Variants in MYOM1 observed in about 807,000 individuals in gnomAD.
MYOM1 encodes myomesin-1.
In MYOM1, 164 loss-of-function variants were observed where a neutral mutation model predicts 205.3. The ratio of observed to expected loss-of-function variants is 0.80; its 90% CI spans 0.70 to 0.91. The LOEUF (loss-of-function observed/expected upper bound fraction) is 0.91, where lower values mean the gene tolerates loss of function less well. MYOM1 is among the 40% of genes least tolerant of loss of function. MYOM1 has a pLI of 0.00. For missense variants in MYOM1, 2,011 were observed against 2,127.3 expected (o/e 0.95, Z 1.08); for synonymous variants, 772 against 789.4 (o/e 0.98, Z 0.37).
At chr18:3,105,692 T>A (rs1273266500) in intron 22 of MYOM1, among the ~76,000 whole-genome samples, 1 of 151,892 alleles carries the variant, frequency 6.6e-6, no homozygotes, top group African/African-American at 2.4e-5. Context: ...CTGTCTCTAT[T>A]AAAAATATAA....
chr18:3,075,854 C>A, intron 34 of MYOM1, 93 bp from the exon 35 acceptor site: 1 of 1,163,418 alleles, frequency 8.6e-7, no homozygotes, highest in Non-Finnish European at 1.2e-6. Context: ...TTGCTGTGAT[C>A]GGTCCAGACA....
intron 13 of MYOM1, among the ~76,000 whole-genome samples, chr18:3,147,627 A>C (rs779826073): frequency 5.3e-5 from 8 of 152,218 alleles, no homozygotes; most frequent in Non-Finnish European, 1.2e-4. Flanking sequence ...TATAGTAATA[A>C]AGACAGTATG....
the MYOM1 span, among the ~76,000 whole-genome samples, chr18:3,231,343 C>T: frequency 3.3e-5 from 5 of 152,002 alleles, no homozygotes; most frequent in East Asian, 1.9e-4. Context: ...TATGAGGGAC[C>T]GCAAACTAAA....
chr18:3,168,919 C>A lies in MYOM1; in HGVS notation c.1237G>T (p.Val413Leu). The change falls in exon 9 of 38, where the codon GTG (valine) becomes TTG (leucine). Residue 413 changes from valine (V) to leucine (L), a missense_variant. By Grantham distance (32) the Val-to-Leu change is conservative. Coordinates refer to ENST00000356443, the MANE Select transcript of MYOM1 (RefSeq NM_003803.4). Reference sequence around the variant, plus strand: ...GTCTCTCCCTCTCTCCCAAAAGACACATCAAATTTGTCATCAAAGTGGATC... The same window carrying A: ...GTCTCTCCCTCTCTCCCAAAAGACAAATCAAATTTGTCATCAAAGTGGATC... ...FEIHFDDKFD[V>L]SFGREGETMS... 6.2e-7 allele frequency: 1 copy of A among 1,613,794 alleles called. No individual in the cohort carries two copies.
chr18:3,153,149 G>C (rs1300327880), intron 11 of MYOM1, among the ~76,000 whole-genome samples: 1 of 152,182 alleles, frequency 6.6e-6, no homozygotes, highest in Non-Finnish European at 1.5e-5. Context: ...AGTGACACTA[G>C]AGCATCCTTC....
intron 19 of MYOM1, among the ~76,000 whole-genome samples, chr18:3,120,659 C>G (rs1325575731): frequency 1.3e-5 from 2 of 152,188 alleles, no homozygotes; most frequent in African/African-American, 4.8e-5. Context: ...GCATTGTTTT[C>G]AGCCACCGAG....
At chr18:3,234,897 A>G in the MYOM1 span, among the ~76,000 whole-genome samples, 4 of 151,818 alleles carry the variant, frequency 2.6e-5, no homozygotes, top group Non-Finnish European at 5.9e-5. Context: ...TTTCAGTTTC[A>G]GAAAACTCTG....
intron 33 of MYOM1, among the ~76,000 whole-genome samples, chr18:3,082,796 T>C (rs918959148): frequency 3.3e-5 from 5 of 152,174 alleles, no homozygotes; most frequent in Non-Finnish European, 5.9e-5. Context: ...GAAGTGAACT[T>C]GAATAGAGTC....
Position 3,129,383 on chromosome 18 carries a change from T to A in MYOM1, c.2643A>T (p.Lys881Asn), listed in dbSNP as rs1295554112. ...TTTGAGAGCTACTGGGTAGTGAAGG[T>A]TTGTTAGGTTTGCTGCCAAGCAAAG... The part of the protein sequence containing the change: ...KDALLGSKPN[K>N]PSLPSSSQNL... Residue 881 changes from lysine to asparagine, a missense_variant, in exon 18 of 38, where the codon AAA becomes AAT. Transcript: ENST00000356443. The A allele has an allele frequency of 1.2e-6, 2 of 1,613,768 alleles. No individual in the cohort carries two copies. The highest frequency in any genetic ancestry group is 2.7e-5 in the African/African-American group (2 of 74,902).
rs1289655821 is a variant in MYOM1, at chr18:3,116,231, C to T, written c.3303+100G>A. 12 of 1,291,840 alleles carry T rather than the reference C, an allele frequency of 9.3e-6. No individual in the cohort carries two copies. The Admixed American group carries it at 2.6e-4, about 28-fold the overall frequency. The allele number at this position is 1,291,840 out of a possible 1,614,324, so 80.0% of individuals were successfully genotyped here. A position where few individuals can be genotyped will look rare whatever the true frequency, so the allele number is the denominator to read the frequency against. On this transcript the variant is annotated intron_variant, in intron 21 of 37. Transcript: ENST00000356443. ...CTTACCAGGAGCCCAATATATGAAA[C>T]AGATCAAAGCGGAGATATTCTGTTT...
chr18:3,115,704 G>C (rs544032885), intron 21 of MYOM1, among the ~76,000 whole-genome samples: 1 of 152,282 alleles, frequency 6.6e-6, no homozygotes, highest in Non-Finnish European at 1.5e-5. Context: ...ATTTCCTTTT[G>C]CTACAAATGA....
intron 4 of MYOM1, 86 bp from the exon 5 acceptor site, chr18:3,187,723 G>T: frequency 7.7e-7 from 1 of 1,290,758 alleles, no homozygotes; most frequent in African/African-American, 1.5e-5. Context: ...CAAGTAGAAG[G>T]CAAAAGTTTT....
At chr18:3,150,379 T>C (rs1017071443) in intron 12 of MYOM1, among the ~76,000 whole-genome samples, 4 of 152,034 alleles carry the variant, frequency 2.6e-5, no homozygotes, top group Admixed American at 6.6e-5. Context: ...TTATTTTATT[T>C]AGACTTTTAC....
At chr18:3,120,092 C>T in intron 19 of MYOM1, 97 bp from the exon 20 acceptor site, 1 of 1,467,398 alleles carries the variant, frequency 6.8e-7, no homozygotes, top group Non-Finnish European at 9.0e-7. Flanking sequence ...CCATGTCAGA[C>T]ACACCCTAGG....
At chr18:3,190,186 G>T (rs1340506112) in intron 3 of MYOM1, among the ~76,000 whole-genome samples, 1 of 152,118 alleles carries the variant, frequency 6.6e-6, no homozygotes, top group Non-Finnish European at 1.5e-5. Context: ...TATTCATGTC[G>T]TTTAAAAATA....
intron 2 of MYOM1, among the ~76,000 whole-genome samples, chr18:3,210,670 A>G (rs1316549511): frequency 1.3e-5 from 2 of 152,196 alleles, no homozygotes; most frequent in African/African-American, 4.8e-5. Flanking sequence ...TCTCTAGAAG[A>G]AGGCTAAATC....
chr18:3,075,375 A>G (rs2079009420), intron 36 of MYOM1, 79 bp downstream of exon 36: 2 of 1,342,306 alleles, frequency 1.5e-6, no homozygotes, highest in South Asian at 1.3e-5. Flanking sequence ...CTCCATCTGT[A>G]GTTATAATAG....
chr18:3,069,747 A>C (rs1049558105), intron 37 of MYOM1, among the ~76,000 whole-genome samples: 1 of 152,154 alleles, frequency 6.6e-6, no homozygotes, highest in Non-Finnish European at 1.5e-5. Flanking sequence ...CAAAACTCCC[A>C]AACACCTTAG....
At chr18:3,103,573 A>G (rs548272215) in intron 22 of MYOM1, among the ~76,000 whole-genome samples, 1 of 152,210 alleles carries the variant, frequency 6.6e-6, no homozygotes, top group Non-Finnish European at 1.5e-5. Flanking sequence ...GGTTTGTTTC[A>G]GTACATTAGG....
Sources: gnomAD v4.1 joint callset for allele counts (sites outside exome capture counted in the v4.1 genomes callset) on GRCh38, gnomAD v4.1.1 for gene constraint, MANE v1.5 for transcripts, NCBI Gene and HGNC (gene_info 2026-07-23, HGNC 2026-07-21) for gene names.